Variants in MYO5B observed in about 807,000 individuals in gnomAD.
MYO5B encodes unconventional myosin-Vb.
Under a neutral mutation model 229.3 loss-of-function variants are expected in MYO5B, and 143 were observed. The ratio of observed to expected loss-of-function variants is 0.62; its 90% CI spans 0.54 to 0.72. The LOEUF (loss-of-function observed/expected upper bound fraction) is 0.72. Ranked by LOEUF, MYO5B falls within the 30% of genes least tolerant of loss-of-function variation. MYO5B has a pLI of 0.00. For synonymous variants in MYO5B, 918 were observed against 885.2 expected (o/e 1.04, Z -0.66); for missense variants, 2,321 against 2,331.0 (o/e 1.00, Z 0.09).
chr18:50,125,028 A>AG (rs2032135251), intron 1 of MYO5B, among the ~76,000 whole-genome samples: 1 of 152,072 alleles, frequency 6.6e-6, no homozygotes, highest in Non-Finnish European at 1.5e-5. Context: ...CCTGACTCCT[A>AG]GCCCTACTTT....
intron 26 of MYO5B, among the ~76,000 whole-genome samples, chr18:49,872,937 G>A (rs1483295333): frequency 2.6e-5 from 4 of 152,194 alleles, no homozygotes; most frequent in African/African-American, 4.8e-5. Flanking sequence ...GTAAAACTAC[G>A]TCTCTAGTAA....
At chr18:50,025,088 G>A (rs897901333) in intron 4 of MYO5B, among the ~76,000 whole-genome samples, 8 of 152,146 alleles carry the variant, frequency 5.3e-5, no homozygotes, top group African/African-American at 1.9e-4. Context: ...CAGAGACCCT[G>A]TTACAAGACT....
intron 4 of MYO5B, among the ~76,000 whole-genome samples, chr18:50,009,538 G>C (rs193182935): frequency 1.3e-5 from 2 of 152,302 alleles, no homozygotes; most frequent in East Asian, 3.9e-4. Flanking sequence ...GACTCCAGTG[G>C]AAAGAAAAAT....
Position 50,169,026 on chromosome 18 carries a change from G to C in MYO5B, c.27+25741C>G. Among the ~76,000 whole-genome samples the C allele has an allele frequency of 1.6e-5, 2 of 126,472 alleles. 1 individual carries two copies. The highest frequency in any genetic ancestry group is 3.4e-5 in the Non-Finnish European group (2 of 59,536). 83.0% of individuals were successfully genotyped at this position (126,472 alleles called of 152,430 possible). On this transcript the variant is annotated intron_variant, in intron 1 of 39. Transcript: ENST00000285039. ...GAAGGGCGAAAAAGCTATATAGGGG[G>C]CTTGGCATAGTGGCTCACTCCTGTA...
intron 1 of MYO5B, among the ~76,000 whole-genome samples, chr18:50,177,366 A>C (rs1302426471): frequency 1.3e-5 from 2 of 152,200 alleles, no homozygotes; most frequent in Admixed American, 6.5e-5. Flanking sequence ...AGCTACAATA[A>C]TCAAATGCTT....
chr18:49,914,644 G>A (rs1041206241), intron 17 of MYO5B, among the ~76,000 whole-genome samples: 1 of 151,964 alleles, frequency 6.6e-6, no homozygotes, highest in Non-Finnish European at 1.5e-5. Context: ...GCTGGGCATG[G>A]TGGTGGATGC....
intron 22 of MYO5B, among the ~76,000 whole-genome samples, chr18:49,888,047 C>CCA (rs2024664971): frequency 6.6e-6 from 1 of 152,072 alleles, no homozygotes; most frequent in Non-Finnish European, 1.5e-5. Context: ...CAGAGAGTGT[C>CCA]CAGCCTGGCA....
intron 23 of MYO5B, among the ~76,000 whole-genome samples, 173 bp downstream of exon 23, chr18:49,880,198 G>A (rs374263404): frequency 2.0e-5 from 3 of 152,234 alleles, no homozygotes; most frequent in African/African-American, 7.2e-5. Context: ...CACTCTTGAG[G>A]CCAAATGTCC....
chr18:50,082,895 C>T (rs1298765399), intron 1 of MYO5B, among the ~76,000 whole-genome samples: 1 of 152,132 alleles, frequency 6.6e-6, no homozygotes, highest in Non-Finnish European at 1.5e-5. Context: ...ACCAATTCTC[C>T]AGACATCAAC....
intron 20 of MYO5B, among the ~76,000 whole-genome samples, chr18:49,903,974 G>A (rs1309562496): frequency 6.6e-6 from 1 of 152,236 alleles, no homozygotes; most frequent in African/African-American, 2.4e-5. Flanking sequence ...CAATACCACC[G>A]CCTGCCCTCA....
intron 5 of MYO5B, among the ~76,000 whole-genome samples, chr18:49,995,190 C>G (rs924327024): frequency 2.0e-5 from 3 of 152,010 alleles, no homozygotes; most frequent in African/African-American, 7.2e-5. Context: ...ATGTGGGCAA[C>G]TTCTCATGGC....
chr18:50,016,650 G>A (rs2026218543), intron 4 of MYO5B, among the ~76,000 whole-genome samples: 1 of 151,950 alleles, frequency 6.6e-6, no homozygotes, highest in Non-Finnish European at 1.5e-5. Flanking sequence ...CTTATTTATG[G>A]TGACATCTGA....
intron 1 of MYO5B, among the ~76,000 whole-genome samples, chr18:50,078,674 A>G (rs2031144771): frequency 6.6e-6 from 1 of 152,220 alleles, no homozygotes; most frequent in Non-Finnish European, 1.5e-5. Context: ...AAAACTCTTC[A>G]GCAGTATCTG....
intron 17 of MYO5B, among the ~76,000 whole-genome samples, chr18:49,918,086 T>A (rs16951222): frequency 0.018 from 2,683 of 152,314 alleles, 92 homozygotes; most frequent in African/African-American, 0.062. Flanking sequence ...ACACGGCTGC[T>A]AAGAATGGTG....
chr18:50,187,488 C>T (rs2033164301), intron 1 of MYO5B, among the ~76,000 whole-genome samples: 1 of 151,344 alleles, frequency 6.6e-6, no homozygotes, highest in Non-Finnish European at 1.5e-5. Flanking sequence ...CAAAATCATT[C>T]TACAAAATTA....
intron 1 of MYO5B, among the ~76,000 whole-genome samples, chr18:50,077,649 G>A (rs1336804698): frequency 6.6e-6 from 1 of 152,020 alleles, no homozygotes; most frequent in Non-Finnish European, 1.5e-5. Flanking sequence ...TGTTTAATCA[G>A]AATTTCTTAA....
At chr18:49,982,392 A>C (rs1012405176) in intron 8 of MYO5B, among the ~76,000 whole-genome samples, 2 of 152,124 alleles carry the variant, frequency 1.3e-5, no homozygotes, top group Non-Finnish European at 2.9e-5. Context: ...ATGCTCTGTC[A>C]ATTTCCAAAG....
chr18:50,149,502 A>G (rs1450700623), intron 1 of MYO5B, among the ~76,000 whole-genome samples: 1 of 151,998 alleles, frequency 6.6e-6, no homozygotes, highest in Non-Finnish European at 1.5e-5. Context: ...GATCAATGGA[A>G]CAGAACAGAG....
chr18:49,931,464 A>G (rs2025191004), intron 16 of MYO5B, among the ~76,000 whole-genome samples: 2 of 152,206 alleles, frequency 1.3e-5, no homozygotes, highest in Admixed American at 1.3e-4. Flanking sequence ...GCACAACGGA[A>G]CACTGATTTA....
Sources: allele counts gnomAD v4.1 joint callset (sites outside exome capture counted in the v4.1 genomes callset), GRCh38; gene constraint gnomAD v4.1.1; transcripts MANE v1.5; gene names NCBI Gene and HGNC (gene_info 2026-07-23, HGNC 2026-07-21).